CDKL2: variants seen among roughly 807,000 people sequenced by gnomAD.
CDKL2 encodes cyclin dependent kinase like 2.
Under a neutral mutation model 63.9 loss-of-function variants are expected in CDKL2, and 64 were observed. The observed-to-expected ratio is 1.00, with a 90% CI of 0.82 to 1.23. The LOEUF (loss-of-function observed/expected upper bound fraction) is 1.23, where lower values mean the gene tolerates loss of function less well. Among genes scored for constraint, CDKL2 ranks in the 50% most tolerant of loss-of-function variants. The pLI, the probability that CDKL2 is intolerant of heterozygous loss-of-function variation, is 0.00. For missense variants in CDKL2, 656 were observed against 668.0 expected, an observed-to-expected ratio of 0.98 and a Z score of 0.20; for synonymous variants, 211 against 229.2, an observed-to-expected ratio of 0.92 and a Z score of 0.72.
chr4:75,595,345 G>A (rs1217953902), intron 10 of CDKL2, among the ~76,000 whole-genome samples: 2 of 151,714 alleles, frequency 1.3e-5, no homozygotes, highest in East Asian at 1.9e-4. Context: ...CAAGTAGCTA[G>A]GACTACAGTC....
At chr4:75,583,061 G>A (rs571651627) in intron 12 of CDKL2, among the ~76,000 whole-genome samples, 1 of 152,294 alleles carries the variant, frequency 6.6e-6, no homozygotes, top group Admixed American at 6.5e-5. Flanking sequence ...AAGATTTTCA[G>A]GCTGAAGGAA....
intron 2 of CDKL2, among the ~76,000 whole-genome samples, chr4:75,620,069 C>T (rs1453448784): frequency 6.6e-6 from 1 of 152,074 alleles, no homozygotes; most frequent in Non-Finnish European, 1.5e-5. Context: ...GCCTGTAGTC[C>T]AAGCTTCAAA....
chr4:75,612,064 G>T (rs1166360048), intron 3 of CDKL2, among the ~76,000 whole-genome samples: 1 of 151,888 alleles, frequency 6.6e-6, no homozygotes, highest in African/African-American at 2.4e-5. Flanking sequence ...TCCGCCTCCT[G>T]GGTCCAAGCA....
intron 2 of CDKL2, among the ~76,000 whole-genome samples, chr4:75,624,406 G>T (rs1731624134): frequency 6.6e-6 from 1 of 151,894 alleles, no homozygotes; most frequent in South Asian, 2.1e-4. Context: ...AAAAAAATTA[G>T]CCAGGCATAG....
In CDKL2 at chr4:75,630,242, C is replaced by G. The variant is rs1730622786; in HGVS notation, c.-230G>C. On this transcript the variant is annotated 5_prime_UTR_variant, in exon 1 of 14. Coordinates refer to ENST00000307465, the MANE Select transcript of CDKL2 (RefSeq NM_001330724.2). The stretch of plus-strand genomic sequence containing the variant: ...GGGAGGCAGGTGGGCCTCGGTCCGC[C>G]GCAAGCTCACACTTAGGAGGACCAC... 6.5e-6 allele frequency: 1 copy of G among 152,708 alleles called. No individual in the cohort carries two copies. The allele number at this position is 152,708 out of a possible 1,614,324, so 9.5% of individuals were successfully genotyped here. A position where few individuals can be genotyped will look rare whatever the true frequency, so the allele number is the denominator to read the frequency against.
intron 10 of CDKL2, chr4:75,596,043 A>T (rs968869785): frequency 8.8e-6 from 3 of 339,828 alleles, no homozygotes; most frequent in Admixed American, 5.1e-5. Flanking sequence ...AAAGGAAGGA[A>T]GGAGTTTTTA....
intron 10 of CDKL2, chr4:75,596,002 AAGGAAG>A: frequency 8.9e-6 from 2 of 223,494 alleles, no homozygotes; most frequent in South Asian, 1.4e-4. Flanking sequence ...GGAAGGAAGG[AAGGAAG>A]GAAGGAAGGA....
chr4:75,614,097 A>G (rs1053220726), intron 3 of CDKL2, among the ~76,000 whole-genome samples, 158 bp downstream of exon 3: 5 of 152,160 alleles, frequency 3.3e-5, no homozygotes, highest in African/African-American at 1.2e-4. Flanking sequence ...TCAGAAAACA[A>G]ATATTTAACT....
In CDKL2 at chr4:75,576,665, A is replaced by G. The variant is rs1278788096; in HGVS notation, c.*2537T>C. Among the ~76,000 whole-genome samples the G allele has an allele frequency of 6.6e-6, 1 of 152,198 alleles. No individual in the cohort carries two copies. The highest frequency in any genetic ancestry group is 1.5e-5 in the Non-Finnish European group (1 of 68,026). On this transcript the variant is annotated 3_prime_UTR_variant, in exon 14 of 14. Coordinates refer to ENST00000307465, the MANE Select transcript of CDKL2 (RefSeq NM_001330724.2). Reference sequence around the variant, plus strand: ...CTGTTGCTTCTCTAATCCCCTGACCATGGTTCAGTTATATAGAGGAGGACT... The same window carrying G: ...CTGTTGCTTCTCTAATCCCCTGACCGTGGTTCAGTTATATAGAGGAGGACT...
intron 5 of CDKL2, among the ~76,000 whole-genome samples, chr4:75,604,244 T>C (rs538403886): frequency 6.6e-6 from 1 of 152,338 alleles, no homozygotes; most frequent in East Asian, 1.9e-4. Flanking sequence ...ACAACAAATA[T>C]ATTAATAGTC....
chr4:75,589,903 G>T (rs1728637300), intron 12 of CDKL2, among the ~76,000 whole-genome samples: 1 of 151,648 alleles, frequency 6.6e-6, no homozygotes, highest in Non-Finnish European at 1.5e-5. Context: ...GATGGCTTAA[G>T]CCCAGGAGTT....
intron 12 of CDKL2, among the ~76,000 whole-genome samples, chr4:75,586,622 ATAAT>A (rs1237545528): frequency 3.3e-5 from 5 of 152,198 alleles, no homozygotes; most frequent in East Asian, 1.9e-4. Flanking sequence ...TATATACAAA[ATAAT>A]TAATCAAATA....
chr4:75,610,063 G>A lies in CDKL2; in HGVS notation c.364-2702C>T, dbSNP rs139388654. ...CAAAAATACAAAAAATTAGCCAGGCGTGGTGGCAGGCGCCTGTAGTCCCAG... is the reference window on the plus strand; with the variant it reads ...CAAAAATACAAAAAATTAGCCAGGCATGGTGGCAGGCGCCTGTAGTCCCAG... On this transcript the variant is annotated intron_variant, in intron 3 of 13. Coordinates refer to ENST00000307465, the MANE Select transcript of CDKL2 (RefSeq NM_001330724.2). Among the ~76,000 whole-genome samples the A allele has an allele frequency of 8.0e-3, 1,214 of 152,026 alleles. 17 individuals are homozygous for A. The highest frequency in any genetic ancestry group is 0.028 in the African/African-American group (1,172 of 41,468).
chr4:75,585,096 A>G (rs1223983650), intron 12 of CDKL2, among the ~76,000 whole-genome samples: 3 of 152,212 alleles, frequency 2.0e-5, no homozygotes, highest in Non-Finnish European at 2.9e-5. Flanking sequence ...AGTAAATGAA[A>G]TCAACAAGAT....
chr4:75,610,706 A>T lies in CDKL2; in HGVS notation c.364-3345T>A, dbSNP rs55803884. On this transcript the variant is annotated intron_variant, in intron 3 of 13. Coordinates refer to ENST00000307465, the MANE Select transcript of CDKL2 (RefSeq NM_001330724.2). Reference sequence around the variant, plus strand: ...AGGATTAAAATCATATTTATATTTTAAAAAATTCAAGTGCTCACATATATA... The same window carrying T: ...AGGATTAAAATCATATTTATATTTTTAAAAATTCAAGTGCTCACATATATA... Among the ~76,000 whole-genome samples the T allele has an allele frequency of 4.0e-3, 614 of 152,266 alleles. 1 individual carries two copies. The highest frequency in any genetic ancestry group is 0.014 in the African/African-American group (563 of 41,552).
chr4:75,611,484 T>C (rs1270649226), intron 3 of CDKL2, among the ~76,000 whole-genome samples: 2 of 115,330 alleles, frequency 1.7e-5, no homozygotes, highest in Non-Finnish European at 3.6e-5. Flanking sequence ...AAAAAAAGAG[T>C]AAATGGACTG....
chr4:75,581,409 A>G (rs1344973337), intron 13 of CDKL2, among the ~76,000 whole-genome samples: 1 of 152,222 alleles, frequency 6.6e-6, no homozygotes, highest in African/African-American at 2.4e-5. Flanking sequence ...TGATGTTAGC[A>G]TAACAGTGAA....
intron 2 of CDKL2, among the ~76,000 whole-genome samples, chr4:75,618,751 TA>T (rs1008431817): frequency 2.0e-5 from 3 of 152,090 alleles, no homozygotes; most frequent in Non-Finnish European, 2.9e-5. Context: ...TCCCCAGGGC[TA>T]AAAGGGAAAA....
intron 12 of CDKL2, among the ~76,000 whole-genome samples, chr4:75,583,272 A>G (rs1280188136): frequency 6.6e-6 from 1 of 152,236 alleles, no homozygotes; most frequent in African/African-American, 2.4e-5. Context: ...CAAACTGGGA[A>G]GAAGGGAATA....
Sources: allele counts gnomAD v4.1 joint callset (sites outside exome capture counted in the v4.1 genomes callset), GRCh38; gene constraint gnomAD v4.1.1; transcripts MANE v1.5; gene names NCBI Gene and HGNC (gene_info 2026-07-23, HGNC 2026-07-21).